The following TECTB variants were observed in gnomAD, a reference collection of about 807,000 sequenced individuals.
TECTB encodes the protein beta-tectorin.
A neutral mutation model predicts 43.3 loss-of-function variants in TECTB; 45 were observed. The ratio of observed to expected loss-of-function variants is 1.04; its 90% CI spans 0.82 to 1.33. The LOEUF (loss-of-function observed/expected upper bound fraction) is 1.33. TECTB is among the 40% of genes most tolerant of loss of function. The pLI is 0.00. For synonymous variants in TECTB, 169 were observed against 156.7 expected (o/e 1.08, Z -0.59); for missense variants, 399 against 404.7 (o/e 0.99, Z 0.12).
chr10:112,285,845 T>C (rs541019217), intron 3 of TECTB, among the ~76,000 whole-genome samples: 28 of 152,302 alleles, frequency 1.8e-4, no homozygotes, highest in African/African-American at 6.7e-4. Context: ...GCATACGACA[T>C]CAACCTAGAT....
At chr10:112,295,631 T>C (rs1422287488) in intron 7 of TECTB, among the ~76,000 whole-genome samples, 3 of 152,262 alleles carry the variant, frequency 2.0e-5, no homozygotes, top group African/African-American at 7.2e-5. Context: ...ATTCAATTCA[T>C]TCAGCCTCTG....
Position 112,284,667 on chromosome 10 carries a change from A to G in TECTB, c.209A>G (p.Gln70Arg). ...YNGVHEGGYY[Q>R]FVIPDLSPKN... ...GGGGTCCACGAAGGAGGTTACTACC[A>G]ATTTGTGATCCCAGATTTATCACCT... The change falls in exon 3 of 11, where the codon CAA becomes CGA. Residue 70 changes from glutamine (Q) to arginine (R), a missense_variant. Coordinates refer to ENST00000646139, the MANE Select transcript of TECTB (RefSeq NM_058222.3). 2 of 1,612,924 alleles carry G rather than the reference A, an allele frequency of 1.2e-6. No individual in the cohort carries two copies. Among genetic ancestry groups the G allele is most frequent in the Non-Finnish European group, 1.7e-6 (2 of 1,179,486 alleles).
At chr10:112,291,338 C>T (rs1293502761) in intron 5 of TECTB, among the ~76,000 whole-genome samples, 1 of 152,160 alleles carries the variant, frequency 6.6e-6, no homozygotes, top group East Asian at 1.9e-4. Context: ...ACCCAGCAAT[C>T]CCATTACTGG....
chr10:112,289,329 A>AT (rs1848479551), intron 5 of TECTB, among the ~76,000 whole-genome samples: 1 of 152,226 alleles, frequency 6.6e-6, no homozygotes, highest in Non-Finnish European at 1.5e-5. Context: ...TTAGACAGAT[A>AT]GAAATGAAAA....
intron 3 of TECTB, 99 bp from the exon 4 acceptor site, chr10:112,285,971 CT>C: frequency 1.3e-6 from 2 of 1,488,468 alleles, no homozygotes; most frequent in South Asian, 2.5e-5. Flanking sequence ...TGTCTCCCCA[CT>C]GGACTTGTTT....
chr10:112,300,283 G>T lies in TECTB; in HGVS notation c.907+719G>T, dbSNP rs868617942. 8.4e-4 allele frequency among the ~76,000 whole-genome samples: 38 copies of T among 45,358 alleles called. 1 individual carries two copies. The highest frequency in any genetic ancestry group is 3.3e-3 in the African/African-American group (34 of 10,182). 29.8% of individuals were successfully genotyped at this position (45,358 alleles called of 152,430 possible). On this transcript the variant is annotated intron_variant, in intron 9 of 10. Coordinates refer to ENST00000646139, the MANE Select transcript of TECTB (RefSeq NM_058222.3). ...GAAAGAAAGAAAGAAAGAAAGAAAA[G>T]AAAGAAAGAAAGAAAGAAAGAAAGA...
intron 7 of TECTB, among the ~76,000 whole-genome samples, chr10:112,295,540 G>C (rs1832531333): frequency 6.6e-6 from 1 of 152,216 alleles, no homozygotes; most frequent in South Asian, 2.1e-4. Flanking sequence ...GCTGGCCGAG[G>C]CACACCTGTG....
chr10:112,299,878 TG>T (rs1200623118), intron 9 of TECTB, among the ~76,000 whole-genome samples: 1 of 151,684 alleles, frequency 6.6e-6, no homozygotes, highest in Non-Finnish European at 1.5e-5. Context: ...TGAGATGTCA[TG>T]GGGCCGGGCT....
intron 7 of TECTB, 107 bp downstream of exon 7, chr10:112,294,168 A>T: frequency 1.1e-6 from 1 of 919,646 alleles, no homozygotes; most frequent in Non-Finnish European, 1.7e-6. Context: ...AGCCTGCTGG[A>T]GTTACAGCAG....
intron 4 of TECTB, 39 bp downstream of exon 4, chr10:112,286,252 G>T (rs780707172): frequency 1.9e-6 from 3 of 1,613,980 alleles, no homozygotes; most frequent in African/African-American, 2.7e-5. Flanking sequence ...GCTGCCTCAT[G>T]TGTGTACTGC....
intron 8 of TECTB, 143 bp downstream of exon 8, chr10:112,298,374 G>T: frequency 9.3e-7 from 1 of 1,073,516 alleles, no homozygotes; most frequent in Non-Finnish European, 1.3e-6. Flanking sequence ...GAGTATAAGG[G>T]CAGATGCTCG....
At chr10:112,303,025 A>G (rs906283050) in intron 10 of TECTB, 8 of 543,938 alleles carry the variant, frequency 1.5e-5, no homozygotes, top group Admixed American at 3.1e-5. Context: ...TGAAAGCCCT[A>G]GAGTACCATG....
chr10:112,284,030 G>A lies in TECTB; in HGVS notation c.76+220G>A, dbSNP rs531347942. Among the ~76,000 whole-genome samples, 11 of 151,862 alleles carry A rather than the reference G, an allele frequency of 7.2e-5. No homozygotes were observed. The South Asian group carries it at 2.1e-3, about 29-fold the overall frequency. On this transcript the variant is annotated intron_variant, in intron 2 of 10. Transcript: ENST00000646139. ...CTTTTTTTTTAATTAGAGAATGCTT[G>A]CTCTATTTCACTCTCTTACTTACAC...
chr10:112,284,515 T>A lies in TECTB; in HGVS notation c.77-20T>A. On this transcript the variant is annotated intron_variant, in intron 2 of 10. Transcript: ENST00000646139. ...ATGATTACCCTAACTGATTTTAAAC[T>A]ATATGTGTGCTCTTTCCAGATGTCA... 2 of 1,575,240 alleles carry A rather than the reference T, an allele frequency of 1.3e-6. No individual in the cohort carries two copies. Among genetic ancestry groups the A allele is most frequent in the South Asian group, 2.4e-5 (2 of 83,802 alleles).
At chr10:112,298,996 A>G (rs1848573109) in intron 8 of TECTB, among the ~76,000 whole-genome samples, 1 of 152,228 alleles carries the variant, frequency 6.6e-6, no homozygotes, top group Admixed American at 6.5e-5. Flanking sequence ...ATGGTTCTTT[A>G]TGAGCACAAA....
rs182992353 is a variant in TECTB, at chr10:112,291,435, T to C, written c.484-2303T>C. ...TAAATCATTCTATTACAAAGACACA[T>C]GCATGCATATGTTCATTGCAACACT... On this transcript the variant is annotated intron_variant, in intron 5 of 10. Transcript: ENST00000646139. Among the ~76,000 whole-genome samples the C allele has an allele frequency of 7.2e-5, 11 of 152,340 alleles. No homozygotes were observed. In the East Asian group the frequency reaches 1.7e-3, roughly 24 times the overall value.
intron 10 of TECTB, chr10:112,302,384 C>G (rs1332144445): frequency 6.9e-6 from 3 of 437,578 alleles, no homozygotes; most frequent in African/African-American, 2.0e-5. Flanking sequence ...TTCCCCAAGT[C>G]TTAGTAAAGC....
chr10:112,292,839 G>A (rs1848510632), intron 5 of TECTB, among the ~76,000 whole-genome samples: 1 of 151,540 alleles, frequency 6.6e-6, no homozygotes, highest in Non-Finnish European at 1.5e-5. Flanking sequence ...ACTTGCTCCA[G>A]CCACACTGGC....
chr10:112,283,940 G>T, intron 2 of TECTB, 130 bp downstream of exon 2: 1 of 962,436 alleles, frequency 1.0e-6, no homozygotes, highest in Non-Finnish European at 1.5e-6. Flanking sequence ...AAGTACTTAA[G>T]CACCCCCTCC....
Sources: allele counts gnomAD v4.1 joint callset (sites outside exome capture counted in the v4.1 genomes callset), GRCh38; gene constraint gnomAD v4.1.1; transcripts MANE v1.5; gene names NCBI Gene and HGNC (gene_info 2026-07-23, HGNC 2026-07-21).